Variants in PHACTR1 observed in about 807,000 individuals in gnomAD.
PHACTR1 encodes the protein RPEL repeat containing 1.
Under a neutral mutation model 69.2 loss-of-function variants are expected in PHACTR1, and 16 were observed. The ratio of observed to expected loss-of-function variants is 0.23; its 90% CI spans 0.16 to 0.35. PHACTR1 has a LOEUF of 0.35. Among genes scored for constraint, PHACTR1 ranks in the 10% least tolerant of loss-of-function variants. The pLI is 1.00. For synonymous variants in PHACTR1, 312 were observed against 284.5 expected, an observed-to-expected ratio of 1.10 and a Z score of -0.97; for missense variants, 510 against 734.7, an observed-to-expected ratio of 0.69 and a Z score of 3.54.
At chr6:13,191,895 C>CA (rs1763652975) in intron 7 of PHACTR1, among the ~76,000 whole-genome samples, 1 of 152,206 alleles carries the variant, frequency 6.6e-6, no homozygotes, top group African/African-American at 2.4e-5. Flanking sequence ...TTTCTATTCT[C>CA]AAAATGCAGA....
chr6:12,928,437 G>A (rs777001962), intron 4 of PHACTR1, among the ~76,000 whole-genome samples: 15 of 152,068 alleles, frequency 9.9e-5, no homozygotes, highest in Non-Finnish European at 1.9e-4. Context: ...TAGAAACTAG[G>A]GCATGATGGG....
chr6:13,018,861 A>C (rs974183588), intron 4 of PHACTR1, among the ~76,000 whole-genome samples: 1 of 151,760 alleles, frequency 6.6e-6, no homozygotes, highest in Non-Finnish European at 1.5e-5. Context: ...CAACTCATCT[A>C]TCTGTTTGTT....
At chr6:12,890,623 A>G (rs927076895) in intron 4 of PHACTR1, among the ~76,000 whole-genome samples, 3 of 152,168 alleles carry the variant, frequency 2.0e-5, no homozygotes, top group African/African-American at 7.2e-5. Flanking sequence ...CCTTTGCTCT[A>G]GGCGTTCGGT....
At chr6:13,234,319 T>C (rs929170203) in intron 10 of PHACTR1, among the ~76,000 whole-genome samples, 2 of 152,200 alleles carry the variant, frequency 1.3e-5, no homozygotes, top group Non-Finnish European at 2.9e-5. Context: ...AATATGTGCT[T>C]TATGATCACA....
At chr6:13,211,057 A>G (rs1441299238) in intron 8 of PHACTR1, among the ~76,000 whole-genome samples, 1 of 151,822 alleles carries the variant, frequency 6.6e-6, no homozygotes, top group East Asian at 1.9e-4. Flanking sequence ...TCTTAAAGTC[A>G]TTAAAGAGTT....
chr6:12,990,902 A>G (rs540024338), intron 4 of PHACTR1, among the ~76,000 whole-genome samples: 2 of 152,196 alleles, frequency 1.3e-5, no homozygotes, highest in East Asian at 3.9e-4. Flanking sequence ...GTTAAGCCAC[A>G]TCTATCTATA....
intron 5 of PHACTR1, among the ~76,000 whole-genome samples, chr6:13,082,972 G>T (rs1479030612): frequency 6.6e-6 from 1 of 152,088 alleles, no homozygotes. Context: ...GTCAATTTTG[G>T]CTTTTGTTGC....
intron 7 of PHACTR1, among the ~76,000 whole-genome samples, chr6:13,185,245 T>C (rs189923527): frequency 6.6e-6 from 1 of 152,336 alleles, no homozygotes; most frequent in Non-Finnish European, 1.5e-5. Context: ...CAGTCATGTG[T>C]ATCTGTAAAT....
intron 3 of PHACTR1, among the ~76,000 whole-genome samples, chr6:12,722,525 G>T (rs1005861315): frequency 5.3e-5 from 8 of 152,080 alleles, no homozygotes; most frequent in African/African-American, 1.9e-4. Context: ...GGACGTTTTA[G>T]CTAGTTAAAG....
chr6:13,149,467 C>T (rs1283540307), intron 5 of PHACTR1, among the ~76,000 whole-genome samples: 1 of 152,146 alleles, frequency 6.6e-6, no homozygotes, highest in African/African-American at 2.4e-5. Flanking sequence ...ATGTAGATGA[C>T]TTGGATATAA....
At chr6:13,091,738 A>G (rs1813314225) in intron 5 of PHACTR1, among the ~76,000 whole-genome samples, 1 of 152,154 alleles carries the variant, frequency 6.6e-6, no homozygotes, top group African/African-American at 2.4e-5. Context: ...ATCATCAGGA[A>G]TTAGATTCTC....
intron 5 of PHACTR1, among the ~76,000 whole-genome samples, chr6:13,075,712 T>C (rs1286153489): frequency 6.6e-6 from 1 of 152,192 alleles, no homozygotes; most frequent in Non-Finnish European, 1.5e-5. Context: ...CTTCCAGGCA[T>C]GCTGAATGTC....
At chr6:13,259,561 C>T (rs1367730610) in intron 10 of PHACTR1, among the ~76,000 whole-genome samples, 1 of 152,120 alleles carries the variant, frequency 6.6e-6, no homozygotes, top group East Asian at 1.9e-4. Flanking sequence ...AATAGTATTT[C>T]ATGCTTTGTA....
At position 13,017,808 on chromosome 6, in the gene PHACTR1, A is replaced by G. The variant is rs527401756; in HGVS notation, c.251-35557A>G. Among the ~76,000 whole-genome samples, 5 of 152,212 alleles carry G rather than the reference A, an allele frequency of 3.3e-5. No homozygotes were observed. The South Asian group carries it at 1.0e-3, about 32-fold the overall frequency. On this transcript the variant is annotated intron_variant, in intron 4 of 14. Coordinates refer to ENST00000332995, the MANE Select transcript of PHACTR1 (RefSeq NM_030948.6). ...AAATAAAATATTTTAACAGTTTTTA[A>G]AAATATCTTGAAGCCTCTCAGTCTT...
intron 4 of PHACTR1, among the ~76,000 whole-genome samples, chr6:12,912,083 C>T (rs552002472): frequency 2.7e-5 from 4 of 150,942 alleles, no homozygotes; most frequent in South Asian, 2.1e-4. Context: ...CTGCAACCTC[C>T]GCCTCCCAGG....
At chr6:13,195,781 G>T (rs1371017932) in intron 7 of PHACTR1, among the ~76,000 whole-genome samples, 11 of 36,026 alleles carry the variant, frequency 3.1e-4, no homozygotes, top group Admixed American at 5.4e-4. Context: ...AAAAAAAAAA[G>T]TTCATTTGTG....
At chr6:12,728,354 C>T (rs1010420972) in intron 3 of PHACTR1, among the ~76,000 whole-genome samples, 2 of 152,014 alleles carry the variant, frequency 1.3e-5, no homozygotes, top group African/African-American at 4.8e-5. Context: ...CCCTACACAA[C>T]TATTTAATTT....
In PHACTR1 at chr6:13,166,798, C is replaced by T. The variant is rs150116807; in HGVS notation, c.496+6514C>T. On this transcript the variant is annotated intron_variant, in intron 6 of 14. Transcript: ENST00000332995. ...CAGAACCACCTCCCATACCAAATTT[C>T]GCACATCCTCCAGTCCCATAGTCAG... Among the ~76,000 whole-genome samples, 1,021 of 152,278 alleles carry T rather than the reference C, an allele frequency of 6.7e-3. 13 individuals carry two copies. The highest frequency in any genetic ancestry group is 0.023 in the African/African-American group (973 of 41,544).
intron 8 of PHACTR1, among the ~76,000 whole-genome samples, chr6:13,212,588 T>C (rs1242253835): frequency 6.6e-6 from 1 of 152,134 alleles, no homozygotes; most frequent in Non-Finnish European, 1.5e-5. Flanking sequence ...GAGCGTCTCT[T>C]CTCCAAAATT....
Sources: gnomAD v4.1 joint callset for allele counts (sites outside exome capture counted in the v4.1 genomes callset) on GRCh38, gnomAD v4.1.1 for gene constraint, MANE v1.5 for transcripts, NCBI Gene and HGNC (gene_info 2026-07-23, HGNC 2026-07-21) for gene names.